Variants in ATP2B2 observed in about 807,000 individuals in gnomAD.
The protein encoded by ATP2B2 is ATPase plasma membrane Ca2+ transporting 2.
A neutral mutation model predicts 120.0 loss-of-function variants in ATP2B2; 15 were observed. The ratio of observed to expected loss-of-function variants is 0.12; its 90% confidence interval spans 0.08 to 0.19. The LOEUF is 0.19. ATP2B2 is among the 10% of genes least tolerant of loss of function. The pLI is 1.00. For synonymous variants in ATP2B2, 694 were observed against 700.3 expected (o/e 0.99, Z 0.14); for missense variants, 1,045 against 1,719.8 (o/e 0.61, Z 6.94).
chr3:10,569,458 A>G (rs62240188), intron 2 of ATP2B2, among the ~76,000 whole-genome samples: 7,942 of 152,276 alleles, frequency 0.052, 298 homozygotes, highest in Non-Finnish European at 0.079. Context: ...TTCCTCTCCC[A>G]AGGAGTGATA....
intron 1 of ATP2B2, among the ~76,000 whole-genome samples, chr3:10,687,216 C>A (rs2071545256): frequency 6.6e-6 from 1 of 152,208 alleles, no homozygotes. Context: ...CCCTTCTGCA[C>A]CCCAGTTTCC....
chr3:10,535,059 A>G (rs1245248952), intron 2 of ATP2B2, among the ~76,000 whole-genome samples: 2 of 151,876 alleles, frequency 1.3e-5, no homozygotes, highest in East Asian at 3.9e-4. Flanking sequence ...ACATGCTGCC[A>G]TGCCTGACTA....
Position 10,371,873 on chromosome 3 carries a change from G to C in ATP2B2, c.1595C>G (p.Thr532Ser), listed in dbSNP as rs972126032. Residue 532 changes from threonine (T) to serine (S), a missense_variant, in exon 12 of 23, where the codon ACC becomes AGC. By Grantham distance (58) the Thr-to-Ser change is moderately conservative. Around this residue, in one of 11 missense-constraint regions of ATP2B2, gnomAD observed 343 missense variants for 536.8 expected, o/e 0.64. Coordinates refer to ENST00000360273, the MANE Select transcript of ATP2B2 (RefSeq NM_001001331.4). ...KEIPDPSSIN[T>S]KTMELLINAI... is the part of the protein sequence containing the mutation. ...ATTGATCAGCAGCTCCATGGTCTTG[G>C]TGTTGATGGAGCTGGGGTCGGGGAT... is the stretch of plus-strand genomic sequence containing the variant. 3 of 1,614,060 alleles carry C rather than the reference G, an allele frequency of 1.9e-6. No individual in the cohort carries two copies. The highest frequency in any genetic ancestry group is 1.7e-5 in the Admixed American group (1 of 60,004).
chr3:10,564,231 C>G (rs4234500), intron 2 of ATP2B2, among the ~76,000 whole-genome samples: 1 of 152,054 alleles, frequency 6.6e-6, no homozygotes, highest in African/African-American at 2.4e-5. Flanking sequence ...TGGCAGCAAC[C>G]TTCTTCTGTT....
chr3:10,423,576 T>C (rs1028057095), intron 2 of ATP2B2, among the ~76,000 whole-genome samples: 33 of 152,244 alleles, frequency 2.2e-4, no homozygotes, highest in African/African-American at 8.0e-4. Context: ...TGAGAGGTCT[T>C]TGTCTCAGCC....
intron 2 of ATP2B2, among the ~76,000 whole-genome samples, chr3:10,435,391 T>G (rs2063449793): frequency 6.6e-6 from 1 of 152,162 alleles, no homozygotes; most frequent in Admixed American, 6.5e-5. Flanking sequence ...CTCCTACATC[T>G]TCCTGGAGGG....
At chr3:10,515,316 T>C (rs576763741) in intron 3 of ATP2B2, among the ~76,000 whole-genome samples, 2 of 152,316 alleles carry the variant, frequency 1.3e-5, no homozygotes, top group East Asian at 3.9e-4. Flanking sequence ...GATGTCTAGC[T>C]TGCTTTTTCA....
chr3:10,450,144 G>A (rs1159176115), intron 1 of ATP2B2, among the ~76,000 whole-genome samples: 1 of 152,086 alleles, frequency 6.6e-6, no homozygotes, highest in African/African-American at 2.4e-5. Flanking sequence ...CACACTGTGT[G>A]TACACACATC....
intron 2 of ATP2B2, among the ~76,000 whole-genome samples, chr3:10,546,690 C>A (rs992746921): frequency 2.0e-5 from 3 of 152,226 alleles, no homozygotes; most frequent in African/African-American, 7.2e-5. Context: ...ACCATATATT[C>A]ATCTTCCTCT....
intron 1 of ATP2B2, among the ~76,000 whole-genome samples, chr3:10,631,646 C>T (rs888291952): frequency 1.3e-5 from 2 of 152,194 alleles, no homozygotes; most frequent in Non-Finnish European, 2.9e-5. Context: ...CACTCCCAAT[C>T]CCAGGCTGGC....
intron 1 of ATP2B2, among the ~76,000 whole-genome samples, chr3:10,463,410 T>G (rs1386577514): frequency 6.6e-6 from 1 of 152,098 alleles, no homozygotes; most frequent in Non-Finnish European, 1.5e-5. Context: ...GCCAACCAGA[T>G]GGTAGGAATA....
chr3:10,626,589 A>ATGGATGGATGGATGGG (rs1335523710), intron 1 of ATP2B2: 1 of 151,024 alleles, frequency 6.6e-6, no homozygotes, highest in Non-Finnish European at 1.5e-5. Flanking sequence ...GGATGGATGG[A>ATGGATGGATGGATGGG]TGGATGGATG....
intron 1 of ATP2B2, among the ~76,000 whole-genome samples, chr3:10,693,607 G>A (rs770044664): frequency 2.6e-5 from 4 of 152,186 alleles, no homozygotes; most frequent in Admixed American, 1.3e-4. Context: ...GTTTCTTTGC[G>A]GTGATATGTT....
intron 3 of ATP2B2, among the ~76,000 whole-genome samples, chr3:10,405,420 G>C (rs765698594): frequency 1.3e-5 from 2 of 152,230 alleles, no homozygotes; most frequent in African/African-American, 2.4e-5. Flanking sequence ...GGTGCCAAGG[G>C]ATGACTAGAA....
intron 1 of ATP2B2, among the ~76,000 whole-genome samples, chr3:10,451,115 C>CG (rs1419789226): frequency 4.6e-5 from 7 of 152,206 alleles, no homozygotes; most frequent in Non-Finnish European, 1.0e-4. Flanking sequence ...CTTTCCCAGC[C>CG]GGGAACTTGA....
intron 1 of ATP2B2, among the ~76,000 whole-genome samples, chr3:10,465,473 A>G (rs1292493319): frequency 6.6e-6 from 1 of 152,142 alleles, no homozygotes. Context: ...CTCCAGTACC[A>G]TCCTTCTGCA....
intron 2 of ATP2B2, among the ~76,000 whole-genome samples, chr3:10,611,395 T>C (rs1412631100): frequency 6.6e-6 from 1 of 152,132 alleles, no homozygotes; most frequent in Non-Finnish European, 1.5e-5. Flanking sequence ...TGGGAAAGTA[T>C]TGGCAAAGGT....
chr3:10,428,865 C>T (rs1043870770), intron 2 of ATP2B2, among the ~76,000 whole-genome samples: 1 of 152,180 alleles, frequency 6.6e-6, no homozygotes, highest in East Asian at 1.9e-4. Context: ...ACAGCCTCAC[C>T]GGGCCAGCTG....
At chr3:10,601,916 C>A (rs1425715220) in intron 2 of ATP2B2, among the ~76,000 whole-genome samples, 1 of 152,230 alleles carries the variant, frequency 6.6e-6, no homozygotes, top group East Asian at 1.9e-4. Context: ...CATTTCCCCC[C>A]AGCTAAGCCT....
Sources: gnomAD v4.1 joint callset for allele counts (sites outside exome capture counted in the v4.1 genomes callset) on GRCh38, gnomAD v4.1.1 for gene constraint, gnomAD v4.1.1 regional missense constraint, MANE v1.5 for transcripts, NCBI Gene and HGNC (gene_info 2026-07-23, HGNC 2026-07-21) for gene names.